PLAAT3: variants seen among roughly 807,000 people sequenced by gnomAD.
PLAAT3 encodes the protein phospholipase A and acyltransferase 3, also known as Ca-independent phospholipase A1/2.
In PLAAT3, 21 loss-of-function variants were observed where a neutral mutation model predicts 16.7. That is an observed-to-expected ratio of 1.26 (90% CI 0.89 to 1.81). The LOEUF (loss-of-function observed/expected upper bound fraction) is 1.81. PLAAT3 is among the 40% of genes most tolerant of loss of function. The pLI, the probability that PLAAT3 is intolerant of heterozygous loss-of-function variation, is 0.00. For synonymous variants in PLAAT3, 76 were observed against 81.7 expected, an observed-to-expected ratio of 0.93 and a Z score of 0.38; for missense variants, 219 against 213.7, an observed-to-expected ratio of 1.02 and a Z score of -0.16.
At chr11:63,591,023 A>T (rs895431821) in intron 3 of PLAAT3, among the ~76,000 whole-genome samples, 15 of 152,232 alleles carry the variant, frequency 9.9e-5, no homozygotes, top group Non-Finnish European at 2.1e-4. Flanking sequence ...CAGACTGGGC[A>T]TTCCTCCCAA....
At chr11:63,592,890 A>C (rs574964526) in intron 3 of PLAAT3, among the ~76,000 whole-genome samples, 2 of 152,250 alleles carry the variant, frequency 1.3e-5, no homozygotes, top group Admixed American at 1.3e-4. Context: ...GCAGAAGGTC[A>C]GTCCTCCTTG....
At position 63,590,237 on chromosome 11, in the gene PLAAT3, A is replaced by G. The variant is rs1393640973; in HGVS notation, c.250T>C (p.Tyr84His). Reference protein sequence around the residue: ...YQVNNKHDDKYSPLPCSKIIQ... With the variant: ...YQVNNKHDDKHSPLPCSKIIQ... The stretch of plus-strand genomic sequence containing the variant: ...ATTTTGCTGCAGGGCAGCGGCGAGT[A>G]CTTGTCATCATGTTTGTTGTTGACC... The change falls in exon 4 of 5, where the codon TAC (tyrosine) becomes CAC (histidine). Residue 84 changes from tyrosine (Y) to histidine (H), a missense_variant. Transcript: ENST00000415826. 5 of 1,614,238 alleles carry G rather than the reference A, an allele frequency of 3.1e-6. No homozygotes were observed. The highest frequency in any genetic ancestry group is 3.4e-6 in the Non-Finnish European group (4 of 1,180,028).
At chr11:63,600,926 G>A (rs1200814382) in intron 2 of PLAAT3, among the ~76,000 whole-genome samples, 1 of 151,178 alleles carries the variant, frequency 6.6e-6, no homozygotes, top group Non-Finnish European at 1.5e-5. Flanking sequence ...TCCTGAATGT[G>A]GCAACCATTC....
intron 3 of PLAAT3, among the ~76,000 whole-genome samples, chr11:63,594,609 AAAAAAGAAAAAAAG>A (rs945270624): frequency 6.6e-6 from 1 of 152,240 alleles, no homozygotes; most frequent in Admixed American, 6.5e-5. Context: ...TCCATCTCAA[AAAAAAGAAAAAAAG>A]AAAAAGAAAA....
At chr11:63,612,708 T>C (rs1938722909) in intron 2 of PLAAT3, among the ~76,000 whole-genome samples, 1 of 152,240 alleles carries the variant, frequency 6.6e-6, no homozygotes, top group African/African-American at 2.4e-5. Context: ...TTTTCCTTTT[T>C]TCAAAAATAC....
intron 1 of PLAAT3, 101 bp downstream of exon 1, chr11:63,614,284 C>G: frequency 3.7e-6 from 2 of 545,972 alleles, no homozygotes; most frequent in South Asian, 4.6e-5. Flanking sequence ...AGTCTACACC[C>G]GCCCTACCCA....
intron 2 of PLAAT3, among the ~76,000 whole-genome samples, chr11:63,606,426 A>ACG (rs1491506516): frequency 2.9e-4 from 1 of 3,426 alleles, no homozygotes; most frequent in African/African-American, 4.8e-4. Flanking sequence ...CTACTATAAA[A>ACG]CACACACACA....
intron 4 of PLAAT3, among the ~76,000 whole-genome samples, chr11:63,580,775 T>C (rs1286370354): frequency 6.6e-6 from 1 of 152,180 alleles, no homozygotes; most frequent in Non-Finnish European, 1.5e-5. Flanking sequence ...TGATGCAATA[T>C]AAGACTCAAC....
At chr11:63,579,837 C>T (rs1008021369) in intron 4 of PLAAT3, among the ~76,000 whole-genome samples, 8 of 140,572 alleles carry the variant, frequency 5.7e-5, no homozygotes, top group Admixed American at 2.2e-4. Flanking sequence ...CAAACCTGCA[C>T]GTTGTACACA....
intron 4 of PLAAT3, among the ~76,000 whole-genome samples, chr11:63,586,032 C>T (rs1437052996): frequency 6.6e-6 from 1 of 152,012 alleles, no homozygotes; most frequent in Non-Finnish European, 1.5e-5. Context: ...GCCCAGACAA[C>T]AAAGTGAGAC....
chr11:63,597,095 T>TA (rs1165573525), intron 3 of PLAAT3, among the ~76,000 whole-genome samples: 68 of 137,580 alleles, frequency 4.9e-4, no homozygotes, highest in Admixed American at 5.1e-4. Context: ...AAACTCCATC[T>TA]AAAAAAAAAA....
intron 2 of PLAAT3, among the ~76,000 whole-genome samples, chr11:63,604,491 G>A (rs931944983): frequency 8.6e-5 from 13 of 151,506 alleles, no homozygotes; most frequent in South Asian, 2.1e-4. Flanking sequence ...GGCCGGGCGC[G>A]GGGGCTCACA....
At position 63,604,678 on chromosome 11, in the gene PLAAT3, G is replaced by A. The variant is rs139447330; in HGVS notation, c.16-6515C>T. Among the ~76,000 whole-genome samples the A allele has an allele frequency of 3.9e-3, 597 of 152,022 alleles. 4 individuals carry two copies. Among genetic ancestry groups the A allele is most frequent in the Non-Finnish European group, 4.4e-3 (299 of 67,958 alleles). On this transcript the variant is annotated intron_variant, in intron 2 of 4. Coordinates refer to ENST00000415826, the MANE Select transcript of PLAAT3 (RefSeq NM_001128203.2). The stretch of plus-strand genomic sequence containing the variant: ...CTCAGGAGGCTGAGGCTGGAGAATC[G>A]CTTGAACCTGAGAAGTGGAGCTTGC...
chr11:63,597,440 G>C (rs975691508), intron 3 of PLAAT3, among the ~76,000 whole-genome samples: 3 of 152,108 alleles, frequency 2.0e-5, no homozygotes, highest in Non-Finnish European at 4.4e-5. Flanking sequence ...GCAGGAGAAT[G>C]GCGTAAACCC....
chr11:63,586,479 A>C (rs1234946921), intron 4 of PLAAT3, among the ~76,000 whole-genome samples: 3 of 152,196 alleles, frequency 2.0e-5, no homozygotes, highest in Non-Finnish European at 4.4e-5. Flanking sequence ...GAATAACTAA[A>C]TGAGATGATT....
intron 3 of PLAAT3, among the ~76,000 whole-genome samples, chr11:63,594,557 G>T (rs1032653184): frequency 6.6e-6 from 1 of 151,976 alleles, no homozygotes; most frequent in Non-Finnish European, 1.5e-5. Flanking sequence ...CTTGAGAACT[G>T]CTCTGTCAGG....
rs1309095160 is a variant in PLAAT3 at position 63,590,163 on chromosome 11, C to T, written c.324G>A (p.Leu108=). 1 of 1,614,110 alleles carries T rather than the reference C, an allele frequency of 6.2e-7. No homozygotes were observed. Among genetic ancestry groups the T allele is most frequent in the Non-Finnish European group, 8.5e-7 (1 of 1,180,034 alleles). ...ELVGQEVLYK[L]TSENCEHFVN... ...CAAAGTGCTCGCAGTTCTCACTGGTCAGCTTGTAGAGCACCTCCTGCCCCA... is the reference window on the plus strand; with the variant it reads ...CAAAGTGCTCGCAGTTCTCACTGGTTAGCTTGTAGAGCACCTCCTGCCCCA... Residue 108 remains leucine, a synonymous_variant, in exon 4 of 5, where the codon CTG becomes CTA. Coordinates refer to ENST00000415826, the MANE Select transcript of PLAAT3 (RefSeq NM_001128203.2).
chr11:63,613,798 C>T (rs908065747), intron 2 of PLAAT3, among the ~76,000 whole-genome samples: 7 of 152,268 alleles, frequency 4.6e-5, no homozygotes, highest in Admixed American at 3.3e-4. Flanking sequence ...CCACACCGGC[C>T]CCCGGAAGGA....
At chr11:63,614,331 C>A (rs2134439534) in intron 1 of PLAAT3, 54 bp downstream of exon 1, 1 of 422,938 alleles carries the variant, frequency 2.4e-6, no homozygotes, top group Non-Finnish European at 4.2e-6. Flanking sequence ...AGAAGCATCC[C>A]AGGCACCTCG....
Sources: allele counts gnomAD v4.1 joint callset (sites outside exome capture counted in the v4.1 genomes callset), GRCh38; gene constraint gnomAD v4.1.1; transcripts MANE v1.5; gene names NCBI Gene and HGNC (gene_info 2026-07-23, HGNC 2026-07-21).